LRRC72: variants seen among roughly 807,000 people sequenced by gnomAD.
LRRC72 encodes leucine-rich repeat-containing protein 72.
A neutral mutation model predicts 35.8 loss-of-function variants in LRRC72; 41 were observed. That is an observed-to-expected ratio of 1.15 (90% CI 0.89 to 1.49). The LOEUF (loss-of-function observed/expected upper bound fraction) is 1.49. Among genes scored for constraint, LRRC72 ranks in the 40% most tolerant of loss-of-function variants. LRRC72 has a pLI of 0.00. For missense variants in LRRC72, 389 were observed against 330.7 expected (o/e 1.18, Z -1.37); for synonymous variants, 118 against 119.2 (o/e 0.99, Z 0.07).
chr7:16,537,951 C>T lies in LRRC72; in HGVS notation c.234+255C>T, dbSNP rs116292037. Among the ~76,000 whole-genome samples, 221 of 152,276 alleles carry T rather than the reference C, an allele frequency of 1.5e-3. 1 individual carries two copies. The highest frequency in any genetic ancestry group is 5.1e-3 in the African/African-American group (211 of 41,562). The stretch of plus-strand genomic sequence containing the variant: ...ATTGCAATTTTACTTTTGTCTCCCA[C>T]GTCCTATCAAATCCACTTAGTGGAA... On this transcript the variant is annotated intron_variant, in intron 3 of 8. Transcript: ENST00000401542.
Position 16,526,839 on chromosome 7 carries a change from C to G in LRRC72, c.-114C>G. The G allele has an allele frequency of 1.2e-6, 1 of 809,970 alleles. No individual in the cohort carries two copies. Among genetic ancestry groups the G allele is most frequent in the Non-Finnish European group, 2.0e-6 (1 of 493,960 alleles). 50.2% of individuals were successfully genotyped at this position (809,970 alleles called of 1,614,324 possible). On this transcript the variant is annotated 5_prime_UTR_variant, in exon 1 of 9. Transcript: ENST00000401542. ...GACTGGCTTTTAGTCAACGGGAATGCGGTAACTGTTGGTAACAGAACAACG... is the reference window on the plus strand; with the variant it reads ...GACTGGCTTTTAGTCAACGGGAATGGGGTAACTGTTGGTAACAGAACAACG...
At chr7:16,551,504 T>TC (rs1264574246) in intron 3 of LRRC72, among the ~76,000 whole-genome samples, 1 of 152,140 alleles carries the variant, frequency 6.6e-6, no homozygotes, top group Non-Finnish European at 1.5e-5. Context: ...GACTTCTGCT[T>TC]CCTGGAAGCC....
Position 16,530,994 on chromosome 7 carries a change from T to G in LRRC72, c.91-1501T>G, listed in dbSNP as rs1422853615. 2.0e-5 allele frequency among the ~76,000 whole-genome samples: 3 copies of G among 151,884 alleles called. No homozygotes were observed. The East Asian group carries it at 5.8e-4, about 29-fold the overall frequency. On this transcript the variant is annotated intron_variant, in intron 1 of 8. Transcript: ENST00000401542. ...GGCAGATTGCCTGAACTCAGGAGTT[T>G]GAGACCAGCCTGGCCAACATGGTGA...
At chr7:16,527,725 C>T (rs532305173) in intron 1 of LRRC72, among the ~76,000 whole-genome samples, 27 of 152,152 alleles carry the variant, frequency 1.8e-4, no homozygotes, top group African/African-American at 4.8e-4. Flanking sequence ...TAAACGAGGC[C>T]GAGAGTTCTG....
chr7:16,557,799 C>G (rs1300692032), intron 4 of LRRC72, among the ~76,000 whole-genome samples: 1 of 152,078 alleles, frequency 6.6e-6, no homozygotes, highest in Non-Finnish European at 1.5e-5. Context: ...TTCTACCAGC[C>G]AAATTCCTGC....
At chr7:16,561,376 T>C (rs555755675) in intron 5 of LRRC72, among the ~76,000 whole-genome samples, 32 of 152,320 alleles carry the variant, frequency 2.1e-4, no homozygotes, top group Admixed American at 1.2e-3. Context: ...AACAGAGTTA[T>C]GCCCATAGTA....
At chr7:16,535,327 G>A (rs113058133) in intron 2 of LRRC72, among the ~76,000 whole-genome samples, 2,310 of 152,208 alleles carry the variant, frequency 0.015, 51 homozygotes, top group African/African-American at 0.053. Context: ...TTTGATAATT[G>A]TTTTAAGTGA....
At chr7:16,576,707 G>T (rs560961322) in intron 7 of LRRC72, among the ~76,000 whole-genome samples, 1 of 152,198 alleles carries the variant, frequency 6.6e-6, no homozygotes, top group South Asian at 2.1e-4. Context: ...AAGACATTAA[G>T]GGGTATTTAA....
chr7:16,537,349 G>T (rs1307524742), intron 2 of LRRC72, among the ~76,000 whole-genome samples: 1 of 152,078 alleles, frequency 6.6e-6, no homozygotes, highest in East Asian at 1.9e-4. Flanking sequence ...TTGAATTAAG[G>T]TTCCAATAAA....
At chr7:16,567,323 AG>A in intron 6 of LRRC72, 67 bp from the exon 7 acceptor site, 1 of 1,072,158 alleles carries the variant, frequency 9.3e-7, no homozygotes, top group Non-Finnish European at 1.3e-6. Context: ...GAAAGTGTTC[AG>A]TTCTATTTTG....
At chr7:16,558,536 G>T (rs1782690236) in intron 4 of LRRC72, among the ~76,000 whole-genome samples, 1 of 152,088 alleles carries the variant, frequency 6.6e-6, no homozygotes, top group South Asian at 2.1e-4. Flanking sequence ...CTTGAACCCA[G>T]GAGGCGGAGG....
intron 3 of LRRC72, among the ~76,000 whole-genome samples, chr7:16,545,126 A>G (rs1315202771): frequency 6.6e-6 from 1 of 152,260 alleles, no homozygotes; most frequent in African/African-American, 2.4e-5. Context: ...ATGTATACCT[A>G]TGTAACAAAC....
chr7:16,536,420 G>A (rs966913996), intron 2 of LRRC72, among the ~76,000 whole-genome samples: 2 of 151,974 alleles, frequency 1.3e-5, no homozygotes, highest in Non-Finnish European at 2.9e-5. Context: ...ACAATGCCCT[G>A]ATATAGGAGA....
chr7:16,558,270 C>A (rs985275926), intron 4 of LRRC72, among the ~76,000 whole-genome samples: 18 of 152,058 alleles, frequency 1.2e-4, no homozygotes, highest in African/African-American at 4.3e-4. Flanking sequence ...AAGAAAATAA[C>A]CCCTCCAAAA....
At chr7:16,569,358 G>A (rs1353155837) in intron 7 of LRRC72, among the ~76,000 whole-genome samples, 4 of 151,862 alleles carry the variant, frequency 2.6e-5, no homozygotes, top group African/African-American at 7.3e-5. Context: ...CCTGGGAGGC[G>A]GAGGTTGCAG....
chr7:16,549,220 C>G (rs1309988511), intron 3 of LRRC72, among the ~76,000 whole-genome samples: 1 of 152,098 alleles, frequency 6.6e-6, no homozygotes, highest in Admixed American at 6.5e-5. Flanking sequence ...ATGTCAGTTT[C>G]TGTTTATTGG....
intron 3 of LRRC72, among the ~76,000 whole-genome samples, chr7:16,545,892 A>C (rs1782436003): frequency 6.6e-6 from 1 of 152,162 alleles, no homozygotes; most frequent in Non-Finnish European, 1.5e-5. Context: ...CAAATATTTT[A>C]GTATGTTGGA....
At chr7:16,567,245 A>G (rs1265627651) in intron 6 of LRRC72, 146 bp from the exon 7 acceptor site, 2 of 553,238 alleles carry the variant, frequency 3.6e-6, no homozygotes, top group Non-Finnish European at 3.0e-6. Context: ...AATAAGCGTG[A>G]TAGCCCCTTT....
chr7:16,536,236 G>T (rs1583635770), intron 2 of LRRC72, among the ~76,000 whole-genome samples: 1 of 151,892 alleles, frequency 6.6e-6, no homozygotes, highest in Non-Finnish European at 1.5e-5. Context: ...AGACTCAAAG[G>T]TTATACCACC....
Sources: allele counts gnomAD v4.1 joint callset (sites outside exome capture counted in the v4.1 genomes callset), GRCh38; gene constraint gnomAD v4.1.1; transcripts MANE v1.5; gene names NCBI Gene and HGNC (gene_info 2026-07-23, HGNC 2026-07-21).